PPP1R12B: variants seen among roughly 807,000 people sequenced by gnomAD.
PPP1R12B encodes myosin phosphatase target subunit 2.
In PPP1R12B, 76 loss-of-function variants were observed where a neutral mutation model predicts 126.1. That is an observed-to-expected ratio of 0.60 (90% CI 0.50 to 0.73). The LOEUF (loss-of-function observed/expected upper bound fraction) is 0.73. Among genes scored for constraint, PPP1R12B ranks in the 30% least tolerant of loss-of-function variants. The pLI is 0.00. For missense variants in PPP1R12B, 1,052 were observed against 1,205.1 expected (o/e 0.87, Z 1.88); for synonymous variants, 356 against 434.7 (o/e 0.82, Z 2.25).
At chr1:202,455,321 A>G (rs1321699043) in intron 13 of PPP1R12B, among the ~76,000 whole-genome samples, 1 of 152,160 alleles carries the variant, frequency 6.6e-6, no homozygotes, top group Non-Finnish European at 1.5e-5. Context: ...AAATTACAGA[A>G]CATTTTCATC....
chr1:202,378,245 T>C (rs1661580565), intron 1 of PPP1R12B, among the ~76,000 whole-genome samples: 1 of 111,732 alleles, frequency 8.9e-6, no homozygotes, highest in African/African-American at 3.4e-5. Context: ...GTTGTCTTCA[T>C]TCTTTTTTTT....
In PPP1R12B at chr1:202,590,452, G is replaced by T. The variant is rs1330450417; in HGVS notation, c.*9892G>T. The T allele has an allele frequency of 6.6e-6, 1 of 151,454 alleles. No individual in the cohort carries two copies. The highest frequency in any genetic ancestry group is 1.5e-5 in the Non-Finnish European group (1 of 68,026). The allele number at this position is 151,454 out of a possible 1,614,324, so 9.4% of individuals were successfully genotyped here. A position where few individuals can be genotyped will look rare whatever the true frequency, so the allele number is the denominator to read the frequency against. ...CCTCAGCCCCTTTTGGTGCTTCCCT[G>T]AAGGGAGATTCTGGGTTAGAAGCCA... On this transcript the variant is annotated 3_prime_UTR_variant, in exon 24 of 24. Transcript: ENST00000608999.
At chr1:202,555,325 GAAAAAAAAAAAAAAAAA>G (rs56752885) in intron 18 of PPP1R12B, among the ~76,000 whole-genome samples, 5 of 25,340 alleles carry the variant, frequency 2.0e-4, no homozygotes, top group Admixed American at 8.7e-4. Flanking sequence ...CTGTTTTAAT[GAAAAAAAAAAAAAAAAA>G]AAAAAAAAAA....
At chr1:202,352,772 A>C (rs1656260822) in intron 1 of PPP1R12B, among the ~76,000 whole-genome samples, 1 of 152,006 alleles carries the variant, frequency 6.6e-6, no homozygotes, top group South Asian at 2.1e-4. Flanking sequence ...CTGTAGTCCC[A>C]GTTACTCGGG....
intron 1 of PPP1R12B, among the ~76,000 whole-genome samples, chr1:202,351,969 G>A (rs561478612): frequency 4.3e-4 from 66 of 152,320 alleles, no homozygotes; most frequent in African/African-American, 1.6e-3. Flanking sequence ...GCTCCAGGGG[G>A]CCTATTAATA....
At chr1:202,549,420 C>CTTTT (rs1405753070) in intron 18 of PPP1R12B, among the ~76,000 whole-genome samples, 1 of 140,052 alleles carries the variant, frequency 7.1e-6, no homozygotes, top group Non-Finnish European at 1.6e-5. Flanking sequence ...AATCAATTAC[C>CTTTT]TTTTTTTTTT....
intron 1 of PPP1R12B, among the ~76,000 whole-genome samples, chr1:202,411,191 A>G (rs1400342293): frequency 1.3e-5 from 2 of 151,470 alleles, no homozygotes; most frequent in East Asian, 1.9e-4. Context: ...TCACTTGAGA[A>G]GATTTTCAGG....
At chr1:202,382,446 AAAAG>A (rs1337573988) in intron 1 of PPP1R12B, among the ~76,000 whole-genome samples, 3 of 150,666 alleles carry the variant, frequency 2.0e-5, no homozygotes, top group Non-Finnish European at 3.0e-5. Flanking sequence ...ATATAAAAGA[AAAAG>A]AAAAAAACCC....
At position 202,431,815 on chromosome 1, in the gene PPP1R12B, C is replaced by T. The variant is rs74376715; in HGVS notation, c.1141+196C>T. On this transcript the variant is annotated intron_variant, in intron 8 of 23. Coordinates refer to ENST00000608999, the MANE Select transcript of PPP1R12B (RefSeq NM_002481.4). ...TATGTTAGACTATATCTACCAATTCCTGTGTAGCCATATGATAAGGTGCAC... is the reference window on the plus strand; with the variant it reads ...TATGTTAGACTATATCTACCAATTCTTGTGTAGCCATATGATAAGGTGCAC... Among the ~76,000 whole-genome samples, 1,523 of 152,304 alleles carry T rather than the reference C, an allele frequency of 1.0e-2. 25 individuals carry two copies. Among genetic ancestry groups the T allele is most frequent in the African/African-American group, 0.035 (1,468 of 41,550 alleles).
intron 13 of PPP1R12B, among the ~76,000 whole-genome samples, chr1:202,467,626 T>C (rs1252450918): frequency 2.0e-5 from 3 of 152,234 alleles, no homozygotes; most frequent in African/African-American, 4.8e-5. Flanking sequence ...TCTATCATTG[T>C]TGGACATTTG....
At chr1:202,391,278 G>T (rs1664118610) in intron 1 of PPP1R12B, among the ~76,000 whole-genome samples, 1 of 152,116 alleles carries the variant, frequency 6.6e-6, no homozygotes. Flanking sequence ...CACCTGAAAA[G>T]ATATTCAACA....
chr1:202,499,447 G>A (rs186044314), intron 18 of PPP1R12B, among the ~76,000 whole-genome samples: 1 of 152,218 alleles, frequency 6.6e-6, no homozygotes, highest in African/African-American at 2.4e-5. Flanking sequence ...TAGAGATGGG[G>A]TTTCACCACG....
At position 202,562,791 on chromosome 1, in the gene PPP1R12B, GGTA is replaced by G; in HGVS notation, c.2525_2527del (p.Ser842del). On this transcript the variant is annotated inframe_deletion, in exon 20 of 24. Coordinates refer to ENST00000608999, the MANE Select transcript of PPP1R12B (RefSeq NM_002481.4). ...TATCTCCCACAGGTTGGAATCGGGA[GGTA>G]GTAATCCTACAACCAGTGATTCTTA... 6.2e-7 allele frequency: 1 copy of G among 1,611,760 alleles called. No homozygotes were observed. Among genetic ancestry groups the G allele is most frequent in the South Asian group, 1.1e-5 (1 of 90,788 alleles).
intron 1 of PPP1R12B, among the ~76,000 whole-genome samples, chr1:202,382,745 A>G (rs1243740135): frequency 1.3e-5 from 2 of 151,806 alleles, no homozygotes; most frequent in Non-Finnish European, 1.5e-5. Context: ...GGCTGGTGGC[A>G]TGCACCTGTA....
intron 13 of PPP1R12B, among the ~76,000 whole-genome samples, chr1:202,457,406 A>T (rs1673771359): frequency 6.6e-6 from 1 of 152,072 alleles, no homozygotes; most frequent in South Asian, 2.1e-4. Context: ...ACAAAAAATT[A>T]GCTGGGCATG....
rs372361834 is a variant in PPP1R12B at position 202,456,345 on chromosome 1, C to T, written c.1850+7174C>T. Among the ~76,000 whole-genome samples the T allele has an allele frequency of 6.6e-5, 10 of 151,894 alleles. No individual in the cohort carries two copies. The East Asian group carries it at 1.7e-3, about 26-fold the overall frequency. ...AATACGTTTAGGAGGATAATTCCGA[C>T]ATGGTAGATGGAACTTATAAGGCTC... is the stretch of plus-strand genomic sequence containing the variant. On this transcript the variant is annotated intron_variant, in intron 13 of 23. Coordinates refer to ENST00000608999, the MANE Select transcript of PPP1R12B (RefSeq NM_002481.4).
chr1:202,562,586 C>T, intron 19 of PPP1R12B, 192 bp from the exon 20 acceptor site: 1 of 765,644 alleles, frequency 1.3e-6, no homozygotes, highest in Non-Finnish European at 2.4e-6. Flanking sequence ...CCTCCCTCTC[C>T]AAGCTCGTGC....
chr1:202,355,414 G>C (rs1656898695), intron 1 of PPP1R12B, among the ~76,000 whole-genome samples: 1 of 152,192 alleles, frequency 6.6e-6, no homozygotes, highest in African/African-American at 2.4e-5. Flanking sequence ...CCCTGGAAAG[G>C]ATGTATTCCT....
intron 20 of PPP1R12B, among the ~76,000 whole-genome samples, chr1:202,564,168 C>A (rs1687825802): frequency 1.3e-5 from 2 of 152,138 alleles, no homozygotes; most frequent in Non-Finnish European, 2.9e-5. Flanking sequence ...TTTTTCATTG[C>A]TCTTTTAAGC....
Sources: allele counts gnomAD v4.1 joint callset (sites outside exome capture counted in the v4.1 genomes callset), GRCh38; gene constraint gnomAD v4.1.1; transcripts MANE v1.5; gene names NCBI Gene and HGNC (gene_info 2026-07-23, HGNC 2026-07-21).